Variants in CCDC40 observed in about 807,000 individuals in gnomAD.
CCDC40 encodes the protein coiled-coil domain-containing protein 40.
CCDC40 carries 104 observed loss-of-function variants against 124.5 expected under a neutral mutation model. That is an observed-to-expected ratio of 0.84 (90% CI 0.71 to 0.98). The LOEUF is 0.98. Ranked by LOEUF, CCDC40 falls within the 50% of genes least tolerant of loss-of-function variation. The pLI is 0.00. For missense variants in CCDC40, 1,463 were observed against 1,503.9 expected (o/e 0.97, Z 0.45); for synonymous variants, 580 against 602.9 (o/e 0.96, Z 0.56).
chr17:80,080,193 C>CAAAA (rs1345483311), intron 10 of CCDC40, among the ~76,000 whole-genome samples: 1 of 86,712 alleles, frequency 1.2e-5, no homozygotes. Context: ...GAGACTGTCT[C>CAAAA]AAAAAAAAAA....
chr17:80,041,810 C>T (rs982786103), intron 3 of CCDC40, among the ~76,000 whole-genome samples: 1 of 152,084 alleles, frequency 6.6e-6, no homozygotes, highest in African/African-American at 2.4e-5. Flanking sequence ...ACGGAAGCGA[C>T]GTGGGGCTCT....
chr17:80,084,593 A>G, intron 12 of CCDC40, 150 bp from the exon 13 acceptor site: 1 of 880,256 alleles, frequency 1.1e-6, no homozygotes, highest in East Asian at 2.6e-5. Flanking sequence ...TCCTGGAGAC[A>G]GTGGGAAATC....
At position 80,040,013 on chromosome 17, in the gene CCDC40, G is replaced by T; in HGVS notation, c.295G>T (p.Glu99Ter). 6.2e-7 allele frequency: 1 copy of T among 1,614,174 alleles called. No homozygotes were observed. The highest frequency in any genetic ancestry group is 8.5e-7 in the Non-Finnish European group (1 of 1,180,014). The change falls in exon 3 of 20, where the codon GAA (glutamate) becomes TAA (stop). Residue 99 changes from glutamate (E) to a stop codon, truncating the protein, a stop_gained. Coordinates refer to ENST00000397545, the MANE Select transcript of CCDC40 (RefSeq NM_017950.4). LOFTEE classifies it high-confidence loss of function. ...AAGCGAAGAGGAATATTACTATACA[G>T]AAACTTCATCCCCGGAAGGGCAAAT... is the stretch of plus-strand genomic sequence containing the variant. ...AESEEEYYYTETSSPEGQISA... is the reference protein window; with the variant it reads ...AESEEEYYYT
chr17:80,065,187 C>G (rs368800463), intron 9 of CCDC40, among the ~76,000 whole-genome samples: 1 of 95,540 alleles, frequency 1.0e-5, no homozygotes, highest in East Asian at 3.2e-4. Context: ...CCTCCCCTCT[C>G]CCTCCTTCAT....
At chr17:80,044,595 A>G (rs1207261491) in intron 3 of CCDC40, among the ~76,000 whole-genome samples, 1 of 151,958 alleles carries the variant, frequency 6.6e-6, no homozygotes, top group African/African-American at 2.4e-5. Context: ...GAGGCACAAG[A>G]ATCGCTTGAG....
intron 4 of CCDC40, 120 bp from the exon 5 acceptor site, chr17:80,048,463 G>C: frequency 1.2e-6 from 1 of 825,088 alleles, no homozygotes; most frequent in Non-Finnish European, 2.0e-6. Context: ...TGCTTTTGCT[G>C]TCACTTTCCC....
At chr17:80,097,496 T>C in intron 19 of CCDC40, 93 bp downstream of exon 19, 2 of 1,375,708 alleles carry the variant, frequency 1.5e-6, no homozygotes, top group South Asian at 2.4e-5. Context: ...AGTCACGGCC[T>C]CTCCTGATCA....
Position 80,087,048 on chromosome 17 carries a change from G to A in CCDC40, c.2450-559G>A, listed in dbSNP as rs1452535136. ...GCTCACATGCCCATGTCCTGGGGTA[G>A]TCAGGGCACACCATGGGGACAGCAG... On this transcript the variant is annotated intron_variant, in intron 14 of 19. Transcript: ENST00000397545. This position sits in a 1 kb window ranked among gnomAD's most constrained non-coding sequence, Gnocchi z 4.5. 1.0e-5 allele frequency: 2 copies of A among 196,834 alleles called. No individual in the cohort carries two copies. Among genetic ancestry groups the A allele is most frequent in the Non-Finnish European group, 2.1e-5 (2 of 94,124 alleles). The allele number at this position is 196,834 out of a possible 1,614,324, so 12.2% of individuals were successfully genotyped here.
chr17:80,037,044 G>T (rs917308828), intron 1 of CCDC40, among the ~76,000 whole-genome samples: 3 of 152,186 alleles, frequency 2.0e-5, no homozygotes, highest in African/African-American at 7.2e-5. Flanking sequence ...GTCCTCCTAA[G>T]AGTAGAGGGC....
At position 80,084,803 on chromosome 17, in the gene CCDC40, A is replaced by G; in HGVS notation, c.2050A>G (p.Thr684Ala). Reference sequence around the variant, plus strand: ...CCAGACCACCCTGGACATCACACACACCAGCAGCAGGCTGGACGCACACCA... The same window carrying G: ...CCAGACCACCCTGGACATCACACACGCCAGCAGCAGGCTGGACGCACACCA... ...IAQTTLDITH[T>A]SSRLDAHQKT... Residue 684 changes from threonine to alanine, a missense_variant, in exon 13 of 20, where the codon ACC (threonine) becomes GCC (alanine). Thr to Ala is a moderately conservative substitution (Grantham distance 58). Coordinates refer to ENST00000397545, the MANE Select transcript of CCDC40 (RefSeq NM_017950.4). 6.2e-7 allele frequency: 1 copy of G among 1,614,140 alleles called. No homozygotes were observed. Among genetic ancestry groups the G allele is most frequent in the Non-Finnish European group, 8.5e-7 (1 of 1,180,010 alleles).
intron 5 of CCDC40, among the ~76,000 whole-genome samples, 196 bp from the exon 6 acceptor site, chr17:80,049,710 G>A (rs1397394251): frequency 6.6e-6 from 1 of 152,034 alleles, no homozygotes; most frequent in Non-Finnish European, 1.5e-5. Context: ...TTCTCTGCAA[G>A]TGCCTCAGAT....
At chr17:80,078,867 T>C (rs945029117) in intron 10 of CCDC40, among the ~76,000 whole-genome samples, 4 of 152,152 alleles carry the variant, frequency 2.6e-5, no homozygotes, top group African/African-American at 7.2e-5. Flanking sequence ...TTGAAGAGAA[T>C]TGAGGCCTTA....
intron 17 of CCDC40, chr17:80,090,323 GCGCGC>G: frequency 3.1e-6 from 2 of 651,800 alleles, no homozygotes; most frequent in East Asian, 3.6e-5. Context: ...AACACGGGAC[GCGCGC>G]AGGCACGTGC....
chr17:80,065,904 G>T (rs913831501), intron 10 of CCDC40, among the ~76,000 whole-genome samples: 2 of 152,212 alleles, frequency 1.3e-5, no homozygotes, highest in African/African-American at 4.8e-5. Context: ...GGGAGGTAAA[G>T]GTGTCCCTTT....
intron 10 of CCDC40, among the ~76,000 whole-genome samples, chr17:80,069,297 C>T (rs75985490): frequency 0.014 from 2,165 of 152,298 alleles, 52 homozygotes; most frequent in African/African-American, 0.049. Context: ...CCCCGTGTCT[C>T]ATACACAAGC....
chr17:80,059,482 G>T (rs1287995344), intron 9 of CCDC40, among the ~76,000 whole-genome samples: 3 of 122,334 alleles, frequency 2.5e-5, no homozygotes, highest in Non-Finnish European at 4.8e-5. Flanking sequence ...CAAAGTTACT[G>T]CAACTTAAAA....
At position 80,048,690 on chromosome 17, in the gene CCDC40, G is replaced by A. The variant is rs1397490311; in HGVS notation, c.784G>A (p.Val262Met). ...CGAGGAGGGGGCCATGGCAGAGAGA[G>A]TGGAGTCCGAGGGGAGTGACGAGGA... ...STEEGAMAERVESEGSDEEAE... is the reference protein window; with the variant it reads ...STEEGAMAERMESEGSDEEAE... Residue 262 changes from valine to methionine, a missense_variant, in exon 5 of 20, where the codon GTG (valine) becomes ATG (methionine). By Grantham distance (21) the Val-to-Met change is conservative. Coordinates refer to ENST00000397545, the MANE Select transcript of CCDC40 (RefSeq NM_017950.4). 1.9e-6 allele frequency: 3 copies of A among 1,614,004 alleles called. No individual in the cohort carries two copies. Among genetic ancestry groups the A allele is most frequent in the Middle Eastern group, 1.6e-4 (1 of 6,084 alleles).
At chr17:80,076,348 C>T (rs2038310560) in intron 10 of CCDC40, among the ~76,000 whole-genome samples, 1 of 152,018 alleles carries the variant, frequency 6.6e-6, no homozygotes, top group African/African-American at 2.4e-5. Context: ...CCAAGGCAGG[C>T]AGATGACCTG....
At chr17:80,038,885 A>G (rs961577138) in intron 2 of CCDC40, among the ~76,000 whole-genome samples, 1 of 152,220 alleles carries the variant, frequency 6.6e-6, no homozygotes, top group Non-Finnish European at 1.5e-5. Context: ...GACTTGGTCA[A>G]GTATATTGTA....
Sources: gnomAD v4.1 joint callset for allele counts (sites outside exome capture counted in the v4.1 genomes callset) on GRCh38, gnomAD v4.1.1 for gene constraint, Gnocchi (gnomAD v3.1) non-coding constraint, MANE v1.5 for transcripts, NCBI Gene and HGNC (gene_info 2026-07-23, HGNC 2026-07-21) for gene names.